BBX: variants seen among roughly 807,000 people sequenced by gnomAD.
BBX encodes the protein HMG box transcription factor BBX.
BBX carries 30 observed loss-of-function variants against 100.2 expected under a neutral mutation model. The observed-to-expected ratio is 0.30, with a 90% confidence interval of 0.22 to 0.41. BBX has a LOEUF of 0.41. Among genes scored for constraint, BBX ranks in the 10% least tolerant of loss-of-function variants. The pLI is 1.00. For missense variants in BBX, 1,023 were observed against 1,129.8 expected, an observed-to-expected ratio of 0.91 and a Z score of 1.35; for synonymous variants, 376 against 388.1, an observed-to-expected ratio of 0.97 and a Z score of 0.37.
At chr3:107,573,414 C>T (rs1048567578) in intron 2 of BBX, among the ~76,000 whole-genome samples, 8 of 151,922 alleles carry the variant, frequency 5.3e-5, no homozygotes, top group Non-Finnish European at 7.4e-5. Context: ...AAAAATTAGC[C>T]GGGCTTGGCG....
At chr3:107,545,322 C>T (rs2049154361) in intron 2 of BBX, among the ~76,000 whole-genome samples, 1 of 152,144 alleles carries the variant, frequency 6.6e-6, no homozygotes, top group African/African-American at 2.4e-5. Flanking sequence ...ATAAGTGCAA[C>T]TTGATGGGAT....
At chr3:107,661,120 T>G (rs1340144711) in intron 3 of BBX, among the ~76,000 whole-genome samples, 1 of 152,242 alleles carries the variant, frequency 6.6e-6, no homozygotes, top group Non-Finnish European at 1.5e-5. Context: ...GTTCTTAATT[T>G]TTTTATCATT....
intron 2 of BBX, among the ~76,000 whole-genome samples, chr3:107,582,752 T>A (rs1312513334): frequency 1.3e-5 from 2 of 152,104 alleles, no homozygotes; most frequent in African/African-American, 4.8e-5. Context: ...CATTTAGTTT[T>A]AAAATTTTTT....
intron 5 of BBX, among the ~76,000 whole-genome samples, chr3:107,719,523 T>C (rs2062370264): frequency 1.3e-5 from 2 of 152,044 alleles, no homozygotes; most frequent in Non-Finnish European, 1.5e-5. Context: ...AAGCACCTGT[T>C]CTGGGATTTG....
chr3:107,623,004 T>G lies in BBX; in HGVS notation c.-83-22832T>G, dbSNP rs2055894230. On this transcript the variant is annotated intron_variant, in intron 2 of 17. Coordinates refer to ENST00000325805, the MANE Select transcript of BBX (RefSeq NM_001142568.3). Reference sequence around the variant, plus strand: ...CTGATCAGTAGTTCAGCACTCAGTGTCTGCCTATGCTGTTTAGGATCAGAT... The same window carrying G: ...CTGATCAGTAGTTCAGCACTCAGTGGCTGCCTATGCTGTTTAGGATCAGAT... Among the ~76,000 whole-genome samples, 3 of 152,336 alleles carry G rather than the reference T, an allele frequency of 2.0e-5. No homozygotes were observed. In the South Asian group the frequency reaches 6.2e-4, roughly 32 times the overall value.
chr3:107,596,612 C>G (rs2053683648), intron 2 of BBX, among the ~76,000 whole-genome samples: 1 of 152,128 alleles, frequency 6.6e-6, no homozygotes. Flanking sequence ...CCAGAGCAGC[C>G]TCCTGGATCT....
At chr3:107,693,543 G>C (rs1042792430) in intron 3 of BBX, among the ~76,000 whole-genome samples, 25 of 151,702 alleles carry the variant, frequency 1.6e-4, no homozygotes, top group African/African-American at 5.8e-4. Flanking sequence ...GCTCTGTTCT[G>C]TTCCATTGAT....
At chr3:107,651,743 A>C (rs2057851528) in intron 3 of BBX, among the ~76,000 whole-genome samples, 1 of 152,102 alleles carries the variant, frequency 6.6e-6, no homozygotes, top group African/African-American at 2.4e-5. Flanking sequence ...AGATCTACTT[A>C]ATTATTGTCC....
chr3:107,729,563 A>G (rs933052579), intron 6 of BBX, among the ~76,000 whole-genome samples: 22 of 152,168 alleles, frequency 1.4e-4, no homozygotes, highest in Admixed American at 1.4e-3. Flanking sequence ...GGTATGCTAA[A>G]TCATTTATTA....
At chr3:107,712,168 T>C (rs556461572) in intron 4 of BBX, among the ~76,000 whole-genome samples, 1 of 152,290 alleles carries the variant, frequency 6.6e-6, no homozygotes, top group South Asian at 2.1e-4. Context: ...CAAGCCACCA[T>C]GTCTGGCCCC....
intron 2 of BBX, among the ~76,000 whole-genome samples, chr3:107,535,804 G>T (rs572194384): frequency 1.0e-3 from 159 of 152,258 alleles, no homozygotes; most frequent in Middle Eastern, 0.01. Flanking sequence ...TTGCCATGTT[G>T]GCCAGGCAGG....
intron 2 of BBX, among the ~76,000 whole-genome samples, chr3:107,539,072 G>C (rs1298855023): frequency 6.6e-6 from 1 of 152,148 alleles, no homozygotes; most frequent in Non-Finnish European, 1.5e-5. Context: ...TTACAGGTGT[G>C]AGGCACTGCA....
At chr3:107,561,480 C>A (rs1334598778) in intron 2 of BBX, among the ~76,000 whole-genome samples, 2 of 152,098 alleles carry the variant, frequency 1.3e-5, no homozygotes, top group Non-Finnish European at 2.9e-5. Context: ...CTGGAAATAG[C>A]ATCATTGACC....
chr3:107,547,505 G>T (rs1418569431), intron 2 of BBX, among the ~76,000 whole-genome samples: 1 of 152,066 alleles, frequency 6.6e-6, no homozygotes, highest in Admixed American at 6.6e-5. Context: ...TTTAAGATCT[G>T]ATCAGATCTC....
chr3:107,696,025 C>CT (rs534868024), intron 3 of BBX, among the ~76,000 whole-genome samples: 5 of 151,608 alleles, frequency 3.3e-5, no homozygotes, highest in Non-Finnish European at 7.4e-5. Flanking sequence ...CAACCCCTGC[C>CT]TTTTTTTGTC....
At chr3:107,659,693 A>G in intron 3 of BBX, 1 of 1,268,594 alleles carries the variant, frequency 7.9e-7, no homozygotes. Flanking sequence ...CCACACCACC[A>G]CACTGCCTGT....
At chr3:107,793,496 T>G (rs1434694645) in intron 15 of BBX, among the ~76,000 whole-genome samples, 2 of 152,154 alleles carry the variant, frequency 1.3e-5, no homozygotes, top group Non-Finnish European at 2.9e-5. Flanking sequence ...TTTCATTTTC[T>G]TACTATCTCC....
rs898583706 is a variant in BBX, at chr3:107,698,660, A to AG, written c.-9-11792_-9-11791insG. Among the ~76,000 whole-genome samples, 14 of 151,638 alleles carry AG rather than the reference A, an allele frequency of 9.2e-5. 1 individual carries two copies. The highest frequency in any genetic ancestry group is 3.2e-4 in the African/African-American group (13 of 41,014). On this transcript the variant is annotated intron_variant, in intron 3 of 17. Coordinates refer to ENST00000325805, the MANE Select transcript of BBX (RefSeq NM_001142568.3). ...GAGCGAGACTCCATCTCAAAAAAAA[A>AG]AAAAAATTCCAAGGGCTCTGTGTAA...
chr3:107,636,968 T>G (rs1217650555), intron 2 of BBX, among the ~76,000 whole-genome samples: 4 of 152,224 alleles, frequency 2.6e-5, no homozygotes, highest in Admixed American at 1.3e-4. Context: ...GGAGAATTAC[T>G]CTTCATATAT....
Sources: allele counts gnomAD v4.1 joint callset (sites outside exome capture counted in the v4.1 genomes callset), GRCh38; gene constraint gnomAD v4.1.1; transcripts MANE v1.5; gene names NCBI Gene and HGNC (gene_info 2026-07-23, HGNC 2026-07-21).